The following ADAMTSL1 variants were observed in gnomAD, a reference collection of about 807,000 sequenced individuals.
ADAMTSL1 encodes ADAMTS like 1.
ADAMTSL1 carries 126 observed loss-of-function variants against 201.8 expected under a neutral mutation model. That is an observed-to-expected ratio of 0.62 (90% CI 0.54 to 0.72). ADAMTSL1 has a LOEUF of 0.72. Among genes scored for constraint, ADAMTSL1 ranks in the 30% least tolerant of loss-of-function variants. ADAMTSL1 has a pLI of 0.00. For missense variants in ADAMTSL1, 2,679 were observed against 2,277.8 expected, an observed-to-expected ratio of 1.18 and a Z score of -3.59; for synonymous variants, 1,121 against 903.4, an observed-to-expected ratio of 1.24 and a Z score of -4.32.
At chr9:18,885,632 A>G (rs1828800098) in intron 23 of ADAMTSL1, among the ~76,000 whole-genome samples, 1 of 152,200 alleles carries the variant, frequency 6.6e-6, no homozygotes, top group Non-Finnish European at 1.5e-5. Flanking sequence ...ATTGGATCAT[A>G]TAACACTACA....
chr9:18,231,122 G>C (rs536898736), intron 2 of ADAMTSL1, among the ~76,000 whole-genome samples: 1 of 151,936 alleles, frequency 6.6e-6, no homozygotes, highest in African/African-American at 2.4e-5. Flanking sequence ...TGCAACCCCC[G>C]GGCTTTTTAC....
Position 18,144,392 on chromosome 9 carries a change from G to A in ADAMTSL1, c.88-19470G>A, listed in dbSNP as rs374199533. Among the ~76,000 whole-genome samples, 5 of 152,096 alleles carry A rather than the reference G, an allele frequency of 3.3e-5. No individual in the cohort carries two copies. In the East Asian group the frequency reaches 9.7e-4, roughly 30 times the overall value. ...GGCTAATTTTTGTATTTTTAGTAGA[G>A]ACAGGGTTTCACCTTGTTGGCCAGG... On this transcript the variant is annotated intron_variant, in intron 1 of 29. Coordinates refer to the ADAMTSL1 transcript ENST00000680146.
chr9:18,777,268 G>C lies in ADAMTSL1; in HGVS notation c.3039G>C (p.Leu1013=). ...SNGSKAEKRG[L]AANPGSRYDD... ...GCAGCAAGGCGGAGAAGCGGGGCCT[G>C]GCCGCCAACCCGGGGAGCCGCTACG... The change falls in exon 19 of 29, where the codon CTG becomes CTC. Residue 1013 remains leucine (L), a synonymous_variant. Transcript: ENST00000380548. The C allele has an allele frequency of 2.5e-6, 4 of 1,610,294 alleles. No individual in the cohort carries two copies. Among genetic ancestry groups the C allele is most frequent in the Non-Finnish European group, 3.4e-6 (4 of 1,178,876 alleles).
chr9:18,515,580 T>A (rs1818319790), intron 2 of ADAMTSL1, among the ~76,000 whole-genome samples: 1 of 152,142 alleles, frequency 6.6e-6, no homozygotes. Flanking sequence ...AGTGATTTGC[T>A]CACCTTGGCC....
chr9:18,897,250 G>A (rs1279033618), intron 26 of ADAMTSL1, among the ~76,000 whole-genome samples: 1 of 152,226 alleles, frequency 6.6e-6, no homozygotes, highest in Non-Finnish European at 1.5e-5. Flanking sequence ...GGGGGAAGGG[G>A]CAGTGAGTCT....
chr9:18,134,400 G>T lies in ADAMTSL1; in HGVS notation c.88-29462G>T, dbSNP rs147472954. On this transcript the variant is annotated intron_variant, in intron 1 of 29. Transcript: ENST00000680146. ...TAGCCATTATCTAATTTTGGCTTCA[G>T]ATTCAATTCTGGTTATTGACAAATG... Among the ~76,000 whole-genome samples the T allele has an allele frequency of 4.3e-3, 649 of 152,276 alleles. 2 individuals carry two copies. Among genetic ancestry groups the T allele is most frequent in the Middle Eastern group, 0.034 (10 of 294 alleles).
chr9:18,751,426 C>T (rs1342690196), intron 15 of ADAMTSL1, among the ~76,000 whole-genome samples: 1 of 152,212 alleles, frequency 6.6e-6, no homozygotes, highest in African/African-American at 2.4e-5. Flanking sequence ...TTGGACAAGT[C>T]AGCCTCTTGG....
chr9:18,289,725 G>C (rs1383631733), intron 2 of ADAMTSL1, among the ~76,000 whole-genome samples: 1 of 152,124 alleles, frequency 6.6e-6, no homozygotes, highest in African/African-American at 2.4e-5. Flanking sequence ...CTTTCCTCAA[G>C]TTTCTTTCAT....
intron 23 of ADAMTSL1, among the ~76,000 whole-genome samples, chr9:18,849,847 T>C (rs991393167): frequency 3.3e-5 from 5 of 152,270 alleles, no homozygotes; most frequent in African/African-American, 4.8e-5. Context: ...TTATATACTT[T>C]TGTATTTTTT....
intron 2 of ADAMTSL1, among the ~76,000 whole-genome samples, chr9:18,291,716 TTCTC>T (rs766379106): frequency 0.021 from 2,391 of 114,464 alleles, 19 homozygotes; most frequent in South Asian, 0.03. Flanking sequence ...CTCTCTCTCT[TTCTC>T]TCTCTCTCTC....
At chr9:18,511,121 T>A (rs1342121185) in intron 2 of ADAMTSL1, among the ~76,000 whole-genome samples, 1 of 152,144 alleles carries the variant, frequency 6.6e-6, no homozygotes, top group African/African-American at 2.4e-5. Context: ...TCATTTGAGA[T>A]GGCAACGAGT....
intron 21 of ADAMTSL1, among the ~76,000 whole-genome samples, chr9:18,821,840 G>A (rs1824229689): frequency 6.6e-6 from 1 of 152,154 alleles, no homozygotes; most frequent in Admixed American, 6.5e-5. Context: ...GGTGCAGGCA[G>A]CCTTCCAAAT....
chr9:18,670,824 G>T (rs1170595784), intron 9 of ADAMTSL1, among the ~76,000 whole-genome samples: 1 of 152,146 alleles, frequency 6.6e-6, no homozygotes, highest in Non-Finnish European at 1.5e-5. Flanking sequence ...AGTTAGTACA[G>T]TTGGCCCTCA....
At chr9:18,310,783 G>T (rs35016784) in intron 2 of ADAMTSL1, among the ~76,000 whole-genome samples, 48,047 of 152,082 alleles carry the variant, frequency 0.32, 8,589 homozygotes, top group Admixed American at 0.51. Context: ...AACCATTGTG[G>T]AAGGCACTGT....
rs148228136 is a variant in ADAMTSL1 at position 17,974,269 on chromosome 9, T to C, written c.87+67347T>C. Among the ~76,000 whole-genome samples, 779 of 152,034 alleles carry C rather than the reference T, an allele frequency of 5.1e-3. 9 individuals carry two copies. The highest frequency in any genetic ancestry group is 4.3e-3 in the Non-Finnish European group (289 of 67,942). ...AGGGCAATCAGGCAGGAAAAGGAAATAAAGGGTATTCAATGAGGAAAAGAG... is the reference window on the plus strand; with the variant it reads ...AGGGCAATCAGGCAGGAAAAGGAAACAAAGGGTATTCAATGAGGAAAAGAG... On this transcript the variant is annotated intron_variant, in intron 1 of 29. Coordinates refer to the ADAMTSL1 transcript ENST00000680146.
chr9:18,843,394 C>T (rs10963799), intron 23 of ADAMTSL1, among the ~76,000 whole-genome samples: 105,251 of 150,684 alleles, frequency 0.7, 37,708 homozygotes, highest in South Asian at 0.78. Context: ...GAGTTTCTGC[C>T]GAGAGATCCG....
chr9:18,687,269 C>A (rs935265962), intron 13 of ADAMTSL1, among the ~76,000 whole-genome samples: 3 of 152,138 alleles, frequency 2.0e-5, no homozygotes, highest in Non-Finnish European at 4.4e-5. Context: ...ATTTAAAAAA[C>A]ATAATGTTGC....
At chr9:18,024,275 T>C (rs958994287) in intron 1 of ADAMTSL1, among the ~76,000 whole-genome samples, 3 of 152,122 alleles carry the variant, frequency 2.0e-5, no homozygotes, top group African/African-American at 7.2e-5. Flanking sequence ...ATTGCAACTT[T>C]TATTTTAGCT....
At chr9:18,446,437 G>A (rs551075543) in intron 2 of ADAMTSL1, among the ~76,000 whole-genome samples, 2 of 152,350 alleles carry the variant, frequency 1.3e-5, no homozygotes, top group Non-Finnish European at 2.9e-5. Flanking sequence ...AAATAAGCAA[G>A]TATGGGTTTT....
Sources: gnomAD v4.1 joint callset for allele counts (sites outside exome capture counted in the v4.1 genomes callset) on GRCh38, gnomAD v4.1.1 for gene constraint, MANE v1.5 for transcripts, NCBI Gene and HGNC (gene_info 2026-07-23, HGNC 2026-07-21) for gene names.